Variants in TMEM132D observed in about 807,000 individuals in gnomAD.
TMEM132D encodes the protein mature OL transmembrane protein.
In TMEM132D, 21 loss-of-function variants were observed where a neutral mutation model predicts 62.3. That is an observed-to-expected ratio of 0.34 (90% CI 0.24 to 0.49). TMEM132D has a LOEUF of 0.49. TMEM132D is among the 20% of genes least tolerant of loss of function. TMEM132D has a pLI of 0.99. For missense variants in TMEM132D, 1,346 were observed against 1,402.8 expected, an observed-to-expected ratio of 0.96 and a Z score of 0.65; for synonymous variants, 621 against 575.6, an observed-to-expected ratio of 1.08 and a Z score of -1.13.
chr12:129,275,831 T>C (rs1880990630), intron 4 of TMEM132D, among the ~76,000 whole-genome samples: 1 of 152,196 alleles, frequency 6.6e-6, no homozygotes, highest in African/African-American at 2.4e-5. Flanking sequence ...AGAATAAGGT[T>C]GCTACGTTTG....
chr12:129,877,605 G>GCA (rs1225935413), intron 1 of TMEM132D, among the ~76,000 whole-genome samples: 4 of 94,470 alleles, frequency 4.2e-5, no homozygotes, highest in Admixed American at 4.1e-4. Context: ...AACCAAACGC[G>GCA]CGCGCGCGCA....
At chr12:129,095,885 C>T (rs567565816) in intron 5 of TMEM132D, among the ~76,000 whole-genome samples, 2 of 152,118 alleles carry the variant, frequency 1.3e-5, no homozygotes, top group African/African-American at 2.4e-5. Context: ...TTGATGGGAA[C>T]CCTAGGAAAC....
chr12:129,429,678 C>T (rs542638763), intron 3 of TMEM132D, among the ~76,000 whole-genome samples: 1 of 151,232 alleles, frequency 6.6e-6, no homozygotes, highest in Non-Finnish European at 1.5e-5. Flanking sequence ...TAGTGTGCTG[C>T]ACCCATTAAC....
chr12:129,373,729 T>G (rs1325882035), intron 3 of TMEM132D, among the ~76,000 whole-genome samples: 2 of 152,194 alleles, frequency 1.3e-5, no homozygotes, highest in Non-Finnish European at 2.9e-5. Flanking sequence ...CATTTCCTTC[T>G]TATGTTCAGT....
At chr12:129,873,846 C>A (rs1488409733) in intron 1 of TMEM132D, among the ~76,000 whole-genome samples, 1 of 152,162 alleles carries the variant, frequency 6.6e-6, no homozygotes, top group Non-Finnish European at 1.5e-5. Context: ...GTATTCTAGG[C>A]TGAACTGAGA....
intron 2 of TMEM132D, among the ~76,000 whole-genome samples, chr12:129,610,878 A>G (rs1485927698): frequency 1.3e-5 from 2 of 152,236 alleles, no homozygotes; most frequent in Admixed American, 1.3e-4. Flanking sequence ...GCAAAAGTGC[A>G]TTAGTCTGAC....
chr12:129,741,658 C>T lies in TMEM132D; in HGVS notation c.80-40960G>A, dbSNP rs185510646. ...CTCATACGTTCTGCAAGATGGCATC[C>T]CTACAATCAGACCACTGTGGCAATT... On this transcript the variant is annotated intron_variant, in intron 1 of 8. Coordinates refer to ENST00000422113, the MANE Select transcript of TMEM132D (RefSeq NM_133448.3). Among the ~76,000 whole-genome samples, 9 of 152,230 alleles carry T rather than the reference C, an allele frequency of 5.9e-5. 1 individual carries two copies. Among genetic ancestry groups the T allele is most frequent in the Admixed American group, 2.6e-4 (4 of 15,300 alleles).
chr12:129,514,011 T>A lies in TMEM132D; in HGVS notation c.1115+17048A>T, dbSNP rs530107548. Among the ~76,000 whole-genome samples the A allele has an allele frequency of 7.6e-3, 1,137 of 149,998 alleles. 16 individuals carry two copies. Among genetic ancestry groups the A allele is most frequent in the African/African-American group, 0.027 (1,096 of 40,762 alleles). On this transcript the variant is annotated intron_variant, in intron 3 of 8. Coordinates refer to ENST00000422113, the MANE Select transcript of TMEM132D (RefSeq NM_133448.3). ...CGCCACCACGCCTGGCTAATTTTTT[T>A]TGTATTTTCAGTGGAGACGGGGTTT...
chr12:129,240,146 A>G (rs1472639160), intron 4 of TMEM132D, among the ~76,000 whole-genome samples: 1 of 152,194 alleles, frequency 6.6e-6, no homozygotes, highest in East Asian at 1.9e-4. Context: ...TAAAACAGCA[A>G]TGAGCAGTAA....
At chr12:129,890,565 C>A (rs1874889731) in intron 1 of TMEM132D, among the ~76,000 whole-genome samples, 1 of 152,144 alleles carries the variant, frequency 6.6e-6, no homozygotes, top group Non-Finnish European at 1.5e-5. Flanking sequence ...AAGACCATGA[C>A]CAACACAGAA....
chr12:129,082,166 A>G (rs1289009515), intron 6 of TMEM132D, 134 bp from the exon 7 acceptor site: 3 of 1,125,180 alleles, frequency 2.7e-6, no homozygotes, highest in African/African-American at 3.1e-5. Flanking sequence ...AGACATGCAG[A>G]GGTGAACTTC....
chr12:129,297,687 G>C (rs1881611388), intron 4 of TMEM132D, among the ~76,000 whole-genome samples: 3 of 152,154 alleles, frequency 2.0e-5, no homozygotes, highest in Admixed American at 2.0e-4. Flanking sequence ...CAGATGAAGG[G>C]TGTCCCTGTG....
In TMEM132D at chr12:129,090,676, AG is replaced by A. The variant is rs549799182; in HGVS notation, c.1444-5975del. On this transcript the variant is annotated intron_variant, in intron 5 of 8. Coordinates refer to ENST00000422113, the MANE Select transcript of TMEM132D (RefSeq NM_133448.3). ...GAGTGAGACCCTGTCTGAAAAAAAA[AG>A]AAAAGAAAAGAAAAGAAAACGGGTT... Among the ~76,000 whole-genome samples the A allele has an allele frequency of 3.6e-4, 55 of 151,762 alleles. 1 individual carries two copies. In the South Asian group the frequency reaches 0.011, roughly 31 times the overall value.
chr12:129,417,061 A>T (rs549381546), intron 3 of TMEM132D, among the ~76,000 whole-genome samples: 1 of 152,354 alleles, frequency 6.6e-6, no homozygotes, highest in East Asian at 1.9e-4. Flanking sequence ...TGCTGGCTTC[A>T]TAAAATGAGT....
At chr12:129,359,390 G>A (rs1300821311) in intron 3 of TMEM132D, among the ~76,000 whole-genome samples, 1 of 152,160 alleles carries the variant, frequency 6.6e-6, no homozygotes, top group African/African-American at 2.4e-5. Flanking sequence ...ACTTAAAAAT[G>A]GCTAAAATGG....
chr12:129,592,854 C>T (rs1878231985), intron 2 of TMEM132D, among the ~76,000 whole-genome samples: 1 of 135,142 alleles, frequency 7.4e-6, no homozygotes, highest in Non-Finnish European at 1.5e-5. Context: ...AGCAGGATTT[C>T]TGGAAGACAC....
At chr12:129,707,227 G>A (rs922159379) in intron 1 of TMEM132D, among the ~76,000 whole-genome samples, 1 of 147,308 alleles carries the variant, frequency 6.8e-6, no homozygotes, top group Non-Finnish European at 1.5e-5. Flanking sequence ...TATTATATAT[G>A]TATATAATAC....
At chr12:129,384,765 C>T (rs551960751) in intron 3 of TMEM132D, among the ~76,000 whole-genome samples, 14 of 152,280 alleles carry the variant, frequency 9.2e-5, no homozygotes, top group Admixed American at 5.9e-4. Context: ...TTCACACGTA[C>T]GCGACAGTCT....
intron 1 of TMEM132D, among the ~76,000 whole-genome samples, chr12:129,826,808 A>G (rs1872675218): frequency 1.3e-5 from 2 of 152,162 alleles, no homozygotes; most frequent in South Asian, 4.1e-4. Context: ...GGTGAAATGC[A>G]GGTGTGGGGA....
Sources: allele counts gnomAD v4.1 joint callset (sites outside exome capture counted in the v4.1 genomes callset), GRCh38; gene constraint gnomAD v4.1.1; transcripts MANE v1.5; gene names NCBI Gene and HGNC (gene_info 2026-07-23, HGNC 2026-07-21).